ROBO2: variants seen among roughly 807,000 people sequenced by gnomAD.
ROBO2 encodes the protein roundabout guidance receptor 2.
ROBO2 carries 53 observed loss-of-function variants against 160.8 expected under a neutral mutation model. The ratio of observed to expected loss-of-function variants is 0.33; its 90% CI spans 0.26 to 0.41. The LOEUF (loss-of-function observed/expected upper bound fraction) is 0.41. Ranked by LOEUF, ROBO2 falls within the 10% of genes least tolerant of loss-of-function variation. The pLI, the probability that ROBO2 is intolerant of heterozygous loss-of-function variation, is 1.00. For synonymous variants in ROBO2, 664 were observed against 611.7 expected (o/e 1.09, Z -1.26); for missense variants, 1,577 against 1,722.4 (o/e 0.92, Z 1.49).
intron 2 of ROBO2, among the ~76,000 whole-genome samples, chr3:76,035,478 G>A (rs2067076019): frequency 6.6e-6 from 1 of 151,842 alleles, no homozygotes; most frequent in African/African-American, 2.4e-5. Context: ...ACTGTGATCA[G>A]TCTGAGGATG....
At chr3:77,130,080 T>C (rs1053650528) in intron 2 of ROBO2, among the ~76,000 whole-genome samples, 5 of 152,180 alleles carry the variant, frequency 3.3e-5, no homozygotes, top group Non-Finnish European at 7.3e-5. Context: ...TCCAATTTGC[T>C]TCAACTGTTA....
intron 16 of ROBO2, among the ~76,000 whole-genome samples, chr3:77,580,677 T>G (rs1433557732): frequency 6.6e-6 from 1 of 152,194 alleles, no homozygotes; most frequent in Non-Finnish European, 1.5e-5. Context: ...ATTTTTTAAA[T>G]CTGGTTTCTT....
intron 2 of ROBO2, among the ~76,000 whole-genome samples, chr3:76,190,370 G>T (rs1247989324): frequency 1.3e-5 from 2 of 152,020 alleles, no homozygotes; most frequent in East Asian, 1.9e-4. Context: ...AAAATCTTAT[G>T]CCTTCCACAG....
At chr3:76,437,239 A>G (rs2076723403) in intron 2 of ROBO2, among the ~76,000 whole-genome samples, 1 of 152,188 alleles carries the variant, frequency 6.6e-6, no homozygotes, top group Middle Eastern at 3.2e-3. Context: ...AAGGAAAAAC[A>G]TTTTATATAA....
chr3:76,737,176 T>A (rs1280625438), intron 2 of ROBO2, among the ~76,000 whole-genome samples: 1 of 152,238 alleles, frequency 6.6e-6, no homozygotes, highest in Non-Finnish European at 1.5e-5. Flanking sequence ...ATATAATCAC[T>A]ATTTCTAGAT....
intron 2 of ROBO2, among the ~76,000 whole-genome samples, chr3:76,569,481 T>C (rs2084824209): frequency 6.6e-6 from 1 of 152,132 alleles, no homozygotes; most frequent in Admixed American, 6.5e-5. Context: ...GGGAAAAACA[T>C]CAGATTTCAG....
At chr3:76,452,320 C>T (rs995830725) in intron 2 of ROBO2, among the ~76,000 whole-genome samples, 1 of 152,060 alleles carries the variant, frequency 6.6e-6, no homozygotes. Context: ...AATGCTATCC[C>T]TCCCCCTTCC....
chr3:76,407,817 T>G (rs17014101), intron 2 of ROBO2, among the ~76,000 whole-genome samples: 2,787 of 152,170 alleles, frequency 0.018, 80 homozygotes, highest in African/African-American at 0.063. Context: ...GAAACCATGA[T>G]GCAGAACAAG....
chr3:76,914,881 A>C (rs1314614718), intron 2 of ROBO2, among the ~76,000 whole-genome samples: 1 of 152,170 alleles, frequency 6.6e-6, no homozygotes, highest in East Asian at 1.9e-4. Flanking sequence ...GAAGTCAAGA[A>C]CAGCATCCCA....
chr3:75,912,393 A>G (rs1283341379), intron 1 of ROBO2, among the ~76,000 whole-genome samples: 1 of 152,196 alleles, frequency 6.6e-6, no homozygotes, highest in Non-Finnish European at 1.5e-5. Context: ...AGGGTTGAGA[A>G]GTGGTTTATT....
chr3:76,673,803 C>T (rs957950433), intron 2 of ROBO2, among the ~76,000 whole-genome samples: 1 of 151,830 alleles, frequency 6.6e-6, no homozygotes, highest in Non-Finnish European at 1.5e-5. Flanking sequence ...AAGCTTCACA[C>T]GATAATTTAT....
intron 2 of ROBO2, among the ~76,000 whole-genome samples, chr3:76,597,167 T>A (rs1402400093): frequency 6.6e-6 from 1 of 152,082 alleles, no homozygotes; most frequent in Non-Finnish European, 1.5e-5. Context: ...ATTAAATTTT[T>A]AGGAAAAACA....
intron 2 of ROBO2, among the ~76,000 whole-genome samples, chr3:77,189,530 G>T (rs1205145083): frequency 1.3e-5 from 2 of 151,788 alleles, no homozygotes; most frequent in Non-Finnish European, 2.9e-5. Flanking sequence ...CCTTGAACAT[G>T]TCAGAACAGT....
At chr3:76,716,742 T>A (rs1415985029) in intron 2 of ROBO2, among the ~76,000 whole-genome samples, 1 of 152,206 alleles carries the variant, frequency 6.6e-6, no homozygotes, top group Non-Finnish European at 1.5e-5. Flanking sequence ...TTTTCATTTC[T>A]GACTTCTGTG....
At chr3:76,063,891 T>TA (rs1287871526) in intron 2 of ROBO2, among the ~76,000 whole-genome samples, 1 of 152,190 alleles carries the variant, frequency 6.6e-6, no homozygotes, top group Non-Finnish European at 1.5e-5. Context: ...TATTTCTTGT[T>TA]ACATAAGCCT....
At chr3:76,781,798 G>C (rs1362207074) in intron 2 of ROBO2, among the ~76,000 whole-genome samples, 1 of 150,666 alleles carries the variant, frequency 6.6e-6, no homozygotes, top group East Asian at 2.0e-4. Context: ...GCTAAGATTT[G>C]GTTAAGGATT....
chr3:75,991,368 G>T (rs2065563579), intron 2 of ROBO2, among the ~76,000 whole-genome samples: 1 of 151,936 alleles, frequency 6.6e-6, no homozygotes, highest in Admixed American at 6.6e-5. Flanking sequence ...TGAATTATGG[G>T]GTCAGGGCTT....
At chr3:76,309,919 A>G (rs2071497481) in intron 2 of ROBO2, among the ~76,000 whole-genome samples, 1 of 151,960 alleles carries the variant, frequency 6.6e-6, no homozygotes, top group South Asian at 2.1e-4. Context: ...AACCTCCCAG[A>G]CTTAAGTGAT....
At chr3:77,282,668 T>C (rs905959363) in intron 2 of ROBO2, among the ~76,000 whole-genome samples, 14 of 152,250 alleles carry the variant, frequency 9.2e-5, no homozygotes, top group African/African-American at 3.4e-4. Flanking sequence ...ATTATTGATG[T>C]ACTTAGCAAA....
Sources: gnomAD v4.1 joint callset for allele counts (sites outside exome capture counted in the v4.1 genomes callset) on GRCh38, gnomAD v4.1.1 for gene constraint, MANE v1.5 for transcripts, NCBI Gene and HGNC (gene_info 2026-07-23, HGNC 2026-07-21) for gene names.